Variants in KLHL8 observed in about 807,000 individuals in gnomAD.
The protein encoded by KLHL8 is kelch-like protein 8.
Under a neutral mutation model 63.5 loss-of-function variants are expected in KLHL8, and 38 were observed. The observed-to-expected ratio is 0.60, with a 90% CI of 0.46 to 0.78. The LOEUF (loss-of-function observed/expected upper bound fraction) is 0.78. Among genes scored for constraint, KLHL8 ranks in the 30% least tolerant of loss-of-function variants. The pLI is 0.00. For synonymous variants in KLHL8, 224 were observed against 254.3 expected (o/e 0.88, Z 1.13); for missense variants, 566 against 752.4 (o/e 0.75, Z 2.90).
At chr4:87,224,189 G>A (rs1012446310), upstream of KLHL8, among the ~76,000 whole-genome samples, 1 of 152,054 alleles carries the variant, frequency 6.6e-6, no homozygotes, top group African/African-American at 2.4e-5. Flanking sequence ...AGCCTCCTGA[G>A]TAGCTGGGTT....
chr4:87,215,303 T>C (rs1732554833), intron 1 of KLHL8, among the ~76,000 whole-genome samples: 1 of 152,240 alleles, frequency 6.6e-6, no homozygotes, highest in Admixed American at 6.5e-5. Flanking sequence ...TTATCTTTTA[T>C]ATATAAAGTA....
rs973318374 is a variant in KLHL8, at chr4:87,198,464, A to G, written c.-151-2774T>C. On this transcript the variant is annotated intron_variant, in intron 1 of 9. Coordinates refer to ENST00000273963, the MANE Select transcript of KLHL8 (RefSeq NM_020803.5). Reference sequence around the variant, plus strand: ...ATAAATAGACTAACCACTTCCAATTAAAGGCAGAGACTCAGGAATGCTATT... The same window carrying G: ...ATAAATAGACTAACCACTTCCAATTGAAGGCAGAGACTCAGGAATGCTATT... Among the ~76,000 whole-genome samples, 9 of 152,228 alleles carry G rather than the reference A, an allele frequency of 5.9e-5. 1 individual carries two copies. Among genetic ancestry groups the G allele is most frequent in the African/African-American group, 2.2e-4 (9 of 41,448 alleles).
intron 5 of KLHL8, 72 bp downstream of exon 5, chr4:87,178,405 A>C: frequency 7.1e-7 from 1 of 1,403,062 alleles, no homozygotes; most frequent in South Asian, 1.4e-5. Context: ...ATATAAAAAT[A>C]AATTCTCAGA....
chr4:87,216,825 C>T (rs1358901000), intron 1 of KLHL8, among the ~76,000 whole-genome samples: 1 of 152,172 alleles, frequency 6.6e-6, no homozygotes, highest in Non-Finnish European at 1.5e-5. Flanking sequence ...TAAAATACAG[C>T]ATGTGACTAG....
At position 87,172,988 on chromosome 4, in the gene KLHL8, C is replaced by T. The variant is rs563244774; in HGVS notation, c.1209-2373G>A. ...AGCCCATCAGATAAAATATCCTTGG[C>T]AAACTTGAAAGGCCTTCAACCTTTA... On this transcript the variant is annotated intron_variant, in intron 6 of 9. Coordinates refer to ENST00000273963, the MANE Select transcript of KLHL8 (RefSeq NM_020803.5). 4.8e-4 allele frequency among the ~76,000 whole-genome samples: 73 copies of T among 152,298 alleles called. 1 individual carries two copies. In the South Asian group the frequency reaches 0.015, roughly 31 times the overall value.
intron 1 of KLHL8, among the ~76,000 whole-genome samples, chr4:87,203,869 C>A (rs1257495560): frequency 6.6e-6 from 1 of 151,906 alleles, no homozygotes; most frequent in African/African-American, 2.4e-5. Context: ...AGCTTCAAAT[C>A]AGGAGAAAAA....
At chr4:87,213,188 A>G (rs929596645) in intron 1 of KLHL8, among the ~76,000 whole-genome samples, 2 of 152,174 alleles carry the variant, frequency 1.3e-5, no homozygotes, top group African/African-American at 4.8e-5. Flanking sequence ...TAGTGGTCTA[A>G]AAGTCTAGTA....
rs1018075832 is a variant in KLHL8, at chr4:87,207,765, G to T, written c.-151-12075C>A. The T allele has an allele frequency of 5.8e-6, 5 of 859,578 alleles. No homozygotes were observed. The African/African-American group carries it at 6.6e-5, about 11-fold the overall frequency. The allele number at this position is 859,578 out of a possible 1,614,324, so 53.2% of individuals were successfully genotyped here. A position where few individuals can be genotyped will look rare whatever the true frequency, so the allele number is the denominator to read the frequency against. On this transcript the variant is annotated intron_variant, in intron 1 of 9. Transcript: ENST00000273963. ...AGGCCCTCTCTGAGCTGAATGGGAA[G>T]CTCACTGGCATGGCCTTCTGTGTCA...
intron 1 of KLHL8, among the ~76,000 whole-genome samples, chr4:87,226,226 A>G (rs1732971761): frequency 6.6e-6 from 1 of 152,178 alleles, no homozygotes; most frequent in Non-Finnish European, 1.5e-5. Context: ...TTTGTATTCC[A>G]AATGTACGAT....
At chr4:87,171,170 C>G (rs956532353) in intron 6 of KLHL8, among the ~76,000 whole-genome samples, 4 of 151,818 alleles carry the variant, frequency 2.6e-5, no homozygotes, top group Non-Finnish European at 5.9e-5. Flanking sequence ...GCTGATTTAA[C>G]AGTGATCAAA....
chr4:87,182,240 A>G (rs1360322174), intron 4 of KLHL8, among the ~76,000 whole-genome samples: 1 of 151,506 alleles, frequency 6.6e-6, no homozygotes, highest in African/African-American at 2.4e-5. Flanking sequence ...AAAAAAAAAA[A>G]AAAAAAAAAA....
At chr4:87,168,744 ACGTGTATATATG>A in intron 8 of KLHL8, among the ~76,000 whole-genome samples, 1 of 147,836 alleles carries the variant, frequency 6.8e-6, no homozygotes, top group Non-Finnish European at 1.5e-5. Context: ...GTGTATATAT[ACGTGTATATATG>A]TGTGTGTATA....
chr4:87,210,815 T>G (rs1732374567), intron 1 of KLHL8, among the ~76,000 whole-genome samples: 1 of 152,222 alleles, frequency 6.6e-6, no homozygotes, highest in Non-Finnish European at 1.5e-5. Flanking sequence ...TAACTCTTGC[T>G]CATCTTCTAA....
chr4:87,185,783 A>G lies in KLHL8; in HGVS notation c.233T>C (p.Ile78Thr). ...DVTLKVGSKL[I>T]SCHKLVLACV... ...AGCCAATACCAGCTTGTGACAAGAG[A>G]TTAGCTTTGAGCCAACCTGTTCAAA... Residue 78 changes from isoleucine (I) to threonine (T), a missense_variant, in exon 3 of 10, where the codon ATC (isoleucine) becomes ACC (threonine). Transcript: ENST00000273963. The G allele has an allele frequency of 6.2e-7, 1 of 1,607,346 alleles. No homozygotes were observed. Among genetic ancestry groups the G allele is most frequent in the Non-Finnish European group, 8.5e-7 (1 of 1,176,632 alleles).
In KLHL8 at chr4:87,227,590, C is replaced by T. The variant is rs548615645; in HGVS notation, n.58-6200G>A. Among the ~76,000 whole-genome samples, 4 of 144,474 alleles carry T rather than the reference C, an allele frequency of 2.8e-5. No homozygotes were observed. In the East Asian group the frequency reaches 8.1e-4, roughly 29 times the overall value. 94.8% of individuals were successfully genotyped at this position (144,474 alleles called of 152,430 possible). ...CCTTGAGCCCAGTAGTTGGAGGTTGCAGTGAGCTATGATCATGCCATGCAG... is the reference window on the plus strand; with the variant it reads ...CCTTGAGCCCAGTAGTTGGAGGTTGTAGTGAGCTATGATCATGCCATGCAG... On this transcript the variant is annotated intron_variant and non_coding_transcript_variant, in intron 1 of 1. Coordinates refer to the KLHL8 transcript ENST00000506274.
chr4:87,164,948 A>AC (rs1311607942), intron 8 of KLHL8, among the ~76,000 whole-genome samples: 13 of 152,004 alleles, frequency 8.6e-5, no homozygotes, highest in Admixed American at 5.2e-4. Context: ...GGAGATCGAG[A>AC]CCATCCTGGC....
chr4:87,203,303 C>T (rs976331523), intron 1 of KLHL8, among the ~76,000 whole-genome samples: 2 of 151,906 alleles, frequency 1.3e-5, no homozygotes, highest in Admixed American at 1.3e-4. Flanking sequence ...TTTGGGAGGC[C>T]GAGATGGGCG....
intron 8 of KLHL8, among the ~76,000 whole-genome samples, chr4:87,164,502 T>C (rs1358420071): frequency 6.6e-6 from 1 of 152,202 alleles, no homozygotes; most frequent in Non-Finnish European, 1.5e-5. Context: ...ATAAACTGAA[T>C]CATGATTCAT....
At chr4:87,227,555 TG>T (rs1171368517) in intron 1 of KLHL8, among the ~76,000 whole-genome samples, 2 of 152,162 alleles carry the variant, frequency 1.3e-5, no homozygotes, top group Non-Finnish European at 2.9e-5. Context: ...GAGGCTGAGG[TG>T]GGAGGATCCC....
Sources: gnomAD v4.1 joint callset for allele counts (sites outside exome capture counted in the v4.1 genomes callset) on GRCh38, gnomAD v4.1.1 for gene constraint, MANE v1.5 for transcripts, NCBI Gene and HGNC (gene_info 2026-07-23, HGNC 2026-07-21) for gene names.